EPHA3: variants seen among roughly 807,000 people sequenced by gnomAD.
EPHA3 encodes ephrin type-A receptor 3.
EPHA3 carries 42 observed loss-of-function variants against 107.1 expected under a neutral mutation model. The ratio of observed to expected loss-of-function variants is 0.39; its 90% CI spans 0.31 to 0.51. The LOEUF is 0.51. Among genes scored for constraint, EPHA3 ranks in the 20% least tolerant of loss-of-function variants. The pLI, the probability that EPHA3 is intolerant of heterozygous loss-of-function variation, is 0.78. For missense variants in EPHA3, 1,183 were observed against 1,211.2 expected (o/e 0.98, Z 0.35); for synonymous variants, 461 against 424.8 (o/e 1.09, Z -1.05).
At chr3:89,141,995 A>G (rs977787893) in intron 2 of EPHA3, among the ~76,000 whole-genome samples, 4 of 151,560 alleles carry the variant, frequency 2.6e-5, no homozygotes, top group African/African-American at 4.8e-5. Context: ...AGCAGAGTCA[A>G]TTATGGGTAT....
At chr3:89,450,526 T>C (rs946687677) in intron 15 of EPHA3, among the ~76,000 whole-genome samples, 156 bp downstream of exon 15, 2 of 152,218 alleles carry the variant, frequency 1.3e-5, no homozygotes, top group South Asian at 2.1e-4. Context: ...TTTTAATCTT[T>C]AGAACTAATT....
intron 2 of EPHA3, among the ~76,000 whole-genome samples, chr3:89,139,237 C>A (rs1704376489): frequency 1.3e-5 from 2 of 151,798 alleles, no homozygotes; most frequent in Admixed American, 6.6e-5. Flanking sequence ...TTTGGATGGT[C>A]TATACTTGGA....
chr3:89,124,288 A>G (rs887617816), intron 1 of EPHA3, among the ~76,000 whole-genome samples: 1 of 152,206 alleles, frequency 6.6e-6, no homozygotes, highest in Non-Finnish European at 1.5e-5. Flanking sequence ...GAGTCAATGT[A>G]TGCAGAGAAA....
intron 1 of EPHA3, among the ~76,000 whole-genome samples, chr3:89,116,273 G>A (rs1707251452): frequency 6.6e-6 from 1 of 152,096 alleles, no homozygotes; most frequent in African/African-American, 2.4e-5. Context: ...ACCAGAGTGT[G>A]ATTATTTAGG....
chr3:89,325,746 G>A (rs1707150081), intron 3 of EPHA3, among the ~76,000 whole-genome samples: 1 of 151,918 alleles, frequency 6.6e-6, no homozygotes, highest in South Asian at 2.1e-4. Context: ...CTCTTTTAAA[G>A]GTTAGACACT....
At chr3:89,189,489 A>T (rs1301305099) in intron 2 of EPHA3, among the ~76,000 whole-genome samples, 1 of 152,166 alleles carries the variant, frequency 6.6e-6, no homozygotes, top group African/African-American at 2.4e-5. Flanking sequence ...TCTACTTGGG[A>T]GGCTGAGGCA....
At chr3:89,409,893 C>T (rs939935443) in intron 9 of EPHA3, among the ~76,000 whole-genome samples, 2 of 152,044 alleles carry the variant, frequency 1.3e-5, no homozygotes, top group African/African-American at 4.8e-5. Flanking sequence ...TAGGGCAACT[C>T]ATGCTGGTAA....
chr3:89,179,254 C>G (rs1236071051), intron 2 of EPHA3, among the ~76,000 whole-genome samples: 1 of 151,900 alleles, frequency 6.6e-6, no homozygotes, highest in Non-Finnish European at 1.5e-5. Context: ...GTTTTTCCTA[C>G]TGTTATACTG....
intron 13 of EPHA3, among the ~76,000 whole-genome samples, chr3:89,447,397 A>G (rs757905728): frequency 6.6e-6 from 1 of 151,934 alleles, no homozygotes; most frequent in African/African-American, 2.4e-5. Context: ...TGCATTCTTC[A>G]TGACTGTGTA....
chr3:89,180,623 C>T (rs183673424), intron 2 of EPHA3, among the ~76,000 whole-genome samples: 2 of 151,962 alleles, frequency 1.3e-5, no homozygotes, highest in East Asian at 3.9e-4. Context: ...CGTTATAAGG[C>T]CATAGAAGGT....
At position 89,480,975 on chromosome 3, in the gene EPHA3, G is replaced by A. The variant is rs746481238; in HGVS notation, c.*1473G>A. ...GGATTTAGACTTACTATTACATAAA[G>A]GCTAACTATGAGCTTGCTCATTAAT... is the stretch of plus-strand genomic sequence containing the variant. On this transcript the variant is annotated 3_prime_UTR_variant, in exon 17 of 17. Coordinates refer to ENST00000336596, the MANE Select transcript of EPHA3 (RefSeq NM_005233.6). 3.9e-5 allele frequency: 9 copies of A among 231,652 alleles called. No homozygotes were observed. The highest frequency in any genetic ancestry group is 6.0e-5 in the Non-Finnish European group (7 of 117,066). 14.3% of individuals were successfully genotyped at this position (231,652 alleles called of 1,614,324 possible).
At chr3:89,466,785 G>T (rs1313841202) in intron 15 of EPHA3, among the ~76,000 whole-genome samples, 1 of 137,640 alleles carries the variant, frequency 7.3e-6, no homozygotes, top group Non-Finnish European at 1.6e-5. Context: ...AGAAATCACC[G>T]TCTTATGCGT....
At chr3:89,425,403 G>A (rs1170016086) in intron 11 of EPHA3, among the ~76,000 whole-genome samples, 3 of 136,464 alleles carry the variant, frequency 2.2e-5, no homozygotes, top group African/African-American at 7.9e-5. Context: ...TCCATCTCCC[G>A]TTTTTTTTTT....
intron 10 of EPHA3, among the ~76,000 whole-genome samples, chr3:89,418,351 G>A (rs1709287844): frequency 6.6e-6 from 1 of 151,354 alleles, no homozygotes; most frequent in African/African-American, 2.4e-5. Context: ...CATGGGTACA[G>A]ATAAATAAAT....
intron 3 of EPHA3, among the ~76,000 whole-genome samples, chr3:89,297,294 G>C (rs1268952816): frequency 1.3e-5 from 2 of 152,036 alleles, no homozygotes; most frequent in African/African-American, 2.4e-5. Context: ...TCTAGTTTTT[G>C]ATTTAAAGTA....
intron 10 of EPHA3, among the ~76,000 whole-genome samples, chr3:89,415,798 T>C (rs1450377068): frequency 6.6e-6 from 1 of 151,410 alleles, no homozygotes; most frequent in Non-Finnish European, 1.5e-5. Context: ...TTAATTTTAT[T>C]ATCCTTTTTA....
chr3:89,459,609 G>T (rs554076257), intron 15 of EPHA3, among the ~76,000 whole-genome samples: 1 of 151,540 alleles, frequency 6.6e-6, no homozygotes, highest in African/African-American at 2.4e-5. Context: ...GCCATCCTCC[G>T]CCTCCTGGGT....
chr3:89,168,320 C>CT (rs1235534475), intron 2 of EPHA3, among the ~76,000 whole-genome samples: 9 of 152,036 alleles, frequency 5.9e-5, no homozygotes, highest in Non-Finnish European at 1.2e-4. Context: ...AAGCAGATAA[C>CT]TTTGACAACT....
In EPHA3 at chr3:89,351,209, C is replaced by T. The variant is rs900688309; in HGVS notation, c.1306+9119C>T. Among the ~76,000 whole-genome samples the T allele has an allele frequency of 2.5e-3, 371 of 151,342 alleles. 15 individuals are homozygous for T. Among genetic ancestry groups the T allele is most frequent in the Non-Finnish European group, 2.4e-3 (163 of 67,498 alleles). On this transcript the variant is annotated intron_variant, in intron 5 of 16. Coordinates refer to ENST00000336596, the MANE Select transcript of EPHA3 (RefSeq NM_005233.6). ...GCCTGGGCAATGGCGGGCGCCCCTCCCCCAGCCTCGCTGCTGCCTTGCAGT... is the reference window on the plus strand; with the variant it reads ...GCCTGGGCAATGGCGGGCGCCCCTCTCCCAGCCTCGCTGCTGCCTTGCAGT...
Sources: gnomAD v4.1 joint callset for allele counts (sites outside exome capture counted in the v4.1 genomes callset) on GRCh38, gnomAD v4.1.1 for gene constraint, MANE v1.5 for transcripts, NCBI Gene and HGNC (gene_info 2026-07-23, HGNC 2026-07-21) for gene names.